The following PTPRN2 variants were observed in gnomAD, a reference collection of about 807,000 sequenced individuals.
PTPRN2 encodes protein tyrosine phosphatase receptor type N2.
A neutral mutation model predicts 118.8 loss-of-function variants in PTPRN2; 74 were observed. The observed-to-expected ratio is 0.62, with a 90% CI of 0.52 to 0.76. PTPRN2 has a LOEUF of 0.76. PTPRN2 is among the 30% of genes least tolerant of loss of function. PTPRN2 has a pLI of 0.00. For missense variants in PTPRN2, 1,481 were observed against 1,394.4 expected, an observed-to-expected ratio of 1.06 and a Z score of -0.99; for synonymous variants, 641 against 608.0, an observed-to-expected ratio of 1.05 and a Z score of -0.80.
At position 157,656,838 on chromosome 7, in the gene PTPRN2, CACA is replaced by C. The variant is rs1806138891; in HGVS notation, c.2002-290_2002-288del. ...ACACATACACACACACATATACACA[CACA>C]CACCACACACACACACACATCACAC... On this transcript the variant is annotated intron_variant, in intron 13 of 22. Coordinates refer to ENST00000389418, the MANE Select transcript of PTPRN2 (RefSeq NM_002847.5). Among the ~76,000 whole-genome samples, 5 of 119,224 alleles carry C rather than the reference CACA, an allele frequency of 4.2e-5. No individual in the cohort carries two copies. The South Asian group carries it at 1.3e-3, about 31-fold the overall frequency. 78.2% of individuals were successfully genotyped at this position (119,224 alleles called of 152,430 possible). A position where few individuals can be genotyped will look rare whatever the true frequency, so the allele number is the denominator to read the frequency against.
intron 11 of PTPRN2, among the ~76,000 whole-genome samples, chr7:157,970,809 T>C (rs1271188692): frequency 1.3e-5 from 2 of 152,146 alleles, no homozygotes; most frequent in Non-Finnish European, 2.9e-5. Context: ...TCGTGTTTCC[T>C]ACCCTAATTC....
chr7:157,615,997 TG>T lies in PTPRN2; in HGVS notation c.2344+5364del. ...ATCCAGGAAGAAGCACACCGTGGCC[TG>T]GGGCCCCTCTGGAGGGTAGGTCTTC... On this transcript the variant is annotated intron_variant, in intron 15 of 22. Transcript: ENST00000389418. This position sits in a 1 kb window ranked among gnomAD's most constrained non-coding sequence, Gnocchi z 4.3. 1 of 224,812 alleles carries T rather than the reference TG, an allele frequency of 4.4e-6. No homozygotes were observed. 13.9% of individuals were successfully genotyped at this position (224,812 alleles called of 1,614,324 possible). A position where few individuals can be genotyped will look rare whatever the true frequency, so the allele number is the denominator to read the frequency against.
At chr7:158,372,044 C>G (rs1412473742) in intron 2 of PTPRN2, among the ~76,000 whole-genome samples, 2 of 152,206 alleles carry the variant, frequency 1.3e-5, no homozygotes, top group Non-Finnish European at 2.9e-5. Flanking sequence ...TGCGGAAGAC[C>G]CCCTCGCAGG....
chr7:158,462,721 TTCA>T (rs1440098990), intron 2 of PTPRN2, among the ~76,000 whole-genome samples: 1 of 152,102 alleles, frequency 6.6e-6, no homozygotes, highest in Non-Finnish European at 1.5e-5. Context: ...TGATGACAGG[TTCA>T]TTTTCAAACA....
chr7:158,316,376 T>C (rs931048216), intron 3 of PTPRN2, among the ~76,000 whole-genome samples: 2 of 152,198 alleles, frequency 1.3e-5, no homozygotes, highest in Admixed American at 6.5e-5. Context: ...TGTTGCCATA[T>C]ATAATTTTTA....
chr7:157,872,977 T>C (rs1468284423), intron 12 of PTPRN2, among the ~76,000 whole-genome samples: 1 of 152,208 alleles, frequency 6.6e-6, no homozygotes, highest in Non-Finnish European at 1.5e-5. Flanking sequence ...CACTTTTCTG[T>C]CTGCACTAGA....
chr7:158,014,273 T>C (rs1806275545), intron 11 of PTPRN2, among the ~76,000 whole-genome samples: 2 of 147,302 alleles, frequency 1.4e-5, no homozygotes, highest in African/African-American at 2.5e-5. Context: ...TCCACCCATC[T>C]ATTCACTCAT....
In PTPRN2 at chr7:157,813,211, G is replaced by A. The variant is rs947527692; in HGVS notation, c.1788+85462C>T. Among the ~76,000 whole-genome samples, 2 of 152,198 alleles carry A rather than the reference G, an allele frequency of 1.3e-5. No individual in the cohort carries two copies. Among genetic ancestry groups the A allele is most frequent in the African/African-American group, 4.8e-5 (2 of 41,420 alleles). ...CGTAGAGAAGGCAGTGACAGGGCCA[G>A]GGCAAGCCGGTTGGAGAAGTGGAAC... On this transcript the variant is annotated intron_variant, in intron 12 of 22. Transcript: ENST00000389418. This position sits in a 1 kb window ranked among gnomAD's most constrained non-coding sequence, Gnocchi z 4.7.
intron 11 of PTPRN2, among the ~76,000 whole-genome samples, chr7:157,955,113 G>A (rs953130515): frequency 2.5e-4 from 38 of 152,052 alleles, no homozygotes; most frequent in Non-Finnish European, 4.0e-4. Flanking sequence ...CGGATCCACC[G>A]GCCATCCCAG....
intron 2 of PTPRN2, among the ~76,000 whole-genome samples, chr7:158,471,495 C>T (rs1475437850): frequency 6.6e-6 from 1 of 152,180 alleles, no homozygotes; most frequent in African/African-American, 2.4e-5. Flanking sequence ...CGAGACCAAC[C>T]TGGCCAACAT....
rs140109516 is a variant in PTPRN2, at chr7:158,469,357, T to C, written c.163+20378A>G. ...TCAGGAAGCTGAGGGAGCAGAATCG[T>C]TTGAACCCCAGGAGGGGGAGGTTGC... On this transcript the variant is annotated intron_variant, in intron 2 of 22. Transcript: ENST00000389418. 4.4e-3 allele frequency among the ~76,000 whole-genome samples: 676 copies of C among 152,148 alleles called. 4 individuals carry two copies. The highest frequency in any genetic ancestry group is 0.015 in the African/African-American group (633 of 41,496).
intron 13 of PTPRN2, among the ~76,000 whole-genome samples, chr7:157,660,087 C>T (rs1021272252): frequency 1.1e-4 from 16 of 152,118 alleles, no homozygotes; most frequent in Non-Finnish European, 2.2e-4. Context: ...TTTTGCTTGA[C>T]GTGGGGGAAA....
intron 11 of PTPRN2, among the ~76,000 whole-genome samples, chr7:157,999,873 CTTT>C (rs975846065): frequency 6.7e-6 from 1 of 148,330 alleles, no homozygotes; most frequent in African/African-American, 2.5e-5. Context: ...TTTATTTTTA[CTTT>C]TTTTTTTTAT....
chr7:157,985,326 T>C (rs1803693930), intron 11 of PTPRN2, among the ~76,000 whole-genome samples: 1 of 152,226 alleles, frequency 6.6e-6, no homozygotes, highest in South Asian at 2.1e-4. Flanking sequence ...GCCACTTCCA[T>C]CTTGCGAGTT....
At chr7:158,162,765 C>G (rs1822477017) in intron 6 of PTPRN2, among the ~76,000 whole-genome samples, 1 of 152,166 alleles carries the variant, frequency 6.6e-6, no homozygotes, top group South Asian at 2.1e-4. Flanking sequence ...AAGAGAGTCT[C>G]TTTTTAAAGC....
chr7:158,400,061 G>A (rs966579108), intron 2 of PTPRN2, among the ~76,000 whole-genome samples: 2 of 152,202 alleles, frequency 1.3e-5, no homozygotes, highest in African/African-American at 4.8e-5. Context: ...TCATACTGGG[G>A]TGAGGAGAGG....
chr7:158,422,648 G>A (rs1000579076), intron 2 of PTPRN2, among the ~76,000 whole-genome samples: 1 of 146,546 alleles, frequency 6.8e-6, no homozygotes, highest in Non-Finnish European at 1.5e-5. Context: ...GCCACCCTTC[G>A]GACGTGGTCT....
At chr7:157,688,876 A>C (rs1797327492) in intron 12 of PTPRN2, among the ~76,000 whole-genome samples, 2 of 147,366 alleles carry the variant, frequency 1.4e-5, no homozygotes, top group Non-Finnish European at 3.0e-5. Flanking sequence ...CCGCATCCCC[A>C]CAGGAGTCAT....
chr7:158,230,980 T>G (rs1829128346), intron 3 of PTPRN2, among the ~76,000 whole-genome samples: 1 of 152,160 alleles, frequency 6.6e-6, no homozygotes, highest in Non-Finnish European at 1.5e-5. Context: ...GAAAAATATA[T>G]TTCAGGCTGG....
Sources: gnomAD v4.1 joint callset for allele counts (sites outside exome capture counted in the v4.1 genomes callset) on GRCh38, gnomAD v4.1.1 for gene constraint, Gnocchi (gnomAD v3.1) non-coding constraint, MANE v1.5 for transcripts, NCBI Gene and HGNC (gene_info 2026-07-23, HGNC 2026-07-21) for gene names.